DOCK3: variants seen among roughly 807,000 people sequenced by gnomAD.
DOCK3 encodes dedicator of cytokinesis 3, also known as dedicator of cytokinesis protein 3.
Under a neutral mutation model 265.6 loss-of-function variants are expected in DOCK3, and 60 were observed. That is an observed-to-expected ratio of 0.23 (90% confidence interval 0.18 to 0.28). DOCK3 has a LOEUF of 0.28. Ranked by LOEUF, DOCK3 falls within the 10% of genes least tolerant of loss-of-function variation. The pLI is 1.00. For synonymous variants in DOCK3, 881 were observed against 938.0 expected (o/e 0.94, Z 1.11); for missense variants, 1,981 against 2,594.3 (o/e 0.76, Z 5.14).
At chr3:51,173,231 C>T (rs554990759) in intron 12 of DOCK3, among the ~76,000 whole-genome samples, 1 of 152,240 alleles carries the variant, frequency 6.6e-6, no homozygotes, top group South Asian at 2.1e-4. Flanking sequence ...AGTGATCCAC[C>T]CATCTCAGCC....
At chr3:51,252,000 A>G (rs1420677381) in intron 22 of DOCK3, among the ~76,000 whole-genome samples, 2 of 152,190 alleles carry the variant, frequency 1.3e-5, no homozygotes, top group Non-Finnish European at 2.9e-5. Flanking sequence ...TTTAGGTCTA[A>G]CATTTAAGTC....
intron 22 of DOCK3, among the ~76,000 whole-genome samples, chr3:51,248,161 C>T (rs2078927858): frequency 6.6e-6 from 1 of 152,112 alleles, no homozygotes; most frequent in African/African-American, 2.4e-5. Context: ...AGTGGGGAAA[C>T]ACATACAATA....
chr3:50,895,362 A>G (rs2048846740), intron 4 of DOCK3, among the ~76,000 whole-genome samples: 1 of 151,140 alleles, frequency 6.6e-6, no homozygotes, highest in Admixed American at 6.6e-5. Flanking sequence ...CTAGGTATTA[A>G]GCCCAGCATT....
At chr3:50,928,127 T>TGA (rs1413367155) in intron 4 of DOCK3, among the ~76,000 whole-genome samples, 1 of 60,116 alleles carries the variant, frequency 1.7e-5, no homozygotes, top group Non-Finnish European at 2.8e-5. Flanking sequence ...TTTATTGTGA[T>TGA]GATATATATA....
intron 5 of DOCK3, among the ~76,000 whole-genome samples, chr3:51,025,621 G>T (rs2079781530): frequency 6.6e-6 from 1 of 152,158 alleles, no homozygotes; most frequent in Admixed American, 6.5e-5. Flanking sequence ...TTCTGTTCAT[G>T]GGGTGTTTGT....
At position 51,359,577 on chromosome 3, in the gene DOCK3, C is replaced by G. The variant is rs1339151357; in HGVS notation, c.4885-934C>G. ...ACTGGTCTCTGCTGTGTGCAAACTT[C>G]CCCATCACAGCAGGTGACCCAAGCA... On this transcript the variant is annotated intron_variant, in intron 46 of 52. Transcript: ENST00000266037. This position sits in a 1 kb window ranked among gnomAD's most constrained non-coding sequence, Gnocchi z 4.8. Among the ~76,000 whole-genome samples, 1 of 152,316 alleles carries G rather than the reference C, an allele frequency of 6.6e-6. No individual in the cohort carries two copies. The highest frequency in any genetic ancestry group is 1.9e-4 in the East Asian group (1 of 5,184).
chr3:50,945,545 A>C (rs962918663), intron 5 of DOCK3, among the ~76,000 whole-genome samples: 1 of 152,184 alleles, frequency 6.6e-6, no homozygotes, highest in Non-Finnish European at 1.5e-5. Context: ...TATGAGAAAC[A>C]AGACACAGTT....
intron 3 of DOCK3, among the ~76,000 whole-genome samples, chr3:50,864,647 G>A (rs993098728): frequency 2.0e-5 from 3 of 151,740 alleles, no homozygotes; most frequent in Non-Finnish European, 4.4e-5. Flanking sequence ...GATCTAGTTT[G>A]GTTCTTCTGC....
chr3:51,381,543 G>A lies in DOCK3; in HGVS notation c.6077G>A (p.Gly2026Asp). 4 of 1,536,120 alleles carry A rather than the reference G, an allele frequency of 2.6e-6. No individual in the cohort carries two copies. Among genetic ancestry groups the A allele is most frequent in the South Asian group, 1.3e-5 (1 of 79,538 alleles). The change falls in exon 53 of 53, where the codon GGC becomes GAC. Residue 2026 changes from glycine (G) to aspartate (D), a missense_variant. This residue lies in a region of DOCK3 where 149 missense variants were observed against 144.7 expected (regional missense o/e 1.03). Transcript: ENST00000266037. The surrounding 1 kb of genome is among the most constrained non-coding windows in gnomAD (Gnocchi z 5.6). Reference protein sequence around the residue: ...EEQARMAWEHGRGEQ With the variant: ...EEQARMAWEHDRGEQ ...CAGGCCCGCATGGCCTGGGAGCACG[G>A]CCGAGGGGAGCAGTGAGGGGCAACG... is the stretch of plus-strand genomic sequence containing the variant.
At chr3:50,792,016 A>G (rs2108610391) in intron 2 of DOCK3, among the ~76,000 whole-genome samples, 1 of 152,186 alleles carries the variant, frequency 6.6e-6, no homozygotes, top group Admixed American at 6.5e-5. Flanking sequence ...GTTTGATAGG[A>G]ATAGCATTGA....
chr3:50,779,663 C>T lies in DOCK3; in HGVS notation c.121+905C>T, dbSNP rs187969144. 2.5e-3 allele frequency among the ~76,000 whole-genome samples: 382 copies of T among 152,294 alleles called. 5 individuals are homozygous for T. The highest frequency in any genetic ancestry group is 8.5e-3 in the African/African-American group (355 of 41,554). On this transcript the variant is annotated intron_variant, in intron 2 of 52. Transcript: ENST00000266037. Reference sequence around the variant, plus strand: ...CCTCCCAAAGTGCTGGGATTACAGGCGTGAGCCACTGCGCCTGGCCTAAAT... The same window carrying T: ...CCTCCCAAAGTGCTGGGATTACAGGTGTGAGCCACTGCGCCTGGCCTAAAT...
intron 5 of DOCK3, among the ~76,000 whole-genome samples, chr3:51,052,607 G>C (rs183960143): frequency 1.3e-4 from 20 of 152,246 alleles, no homozygotes; most frequent in Non-Finnish European, 7.4e-5. Flanking sequence ...AGCTCTTTTC[G>C]TGTGAAAGGA....
chr3:50,838,803 A>C (rs529920828), intron 2 of DOCK3, among the ~76,000 whole-genome samples: 2 of 152,210 alleles, frequency 1.3e-5, no homozygotes, highest in Admixed American at 1.3e-4. Context: ...ATATGTAAGA[A>C]ACAAAAATAA....
intron 25 of DOCK3, among the ~76,000 whole-genome samples, chr3:51,275,482 G>GT (rs2080768162): frequency 6.6e-6 from 1 of 152,136 alleles, no homozygotes; most frequent in African/African-American, 2.4e-5. Context: ...GTGTCATGCT[G>GT]TTTCCATCAA....
intron 27 of DOCK3, among the ~76,000 whole-genome samples, chr3:51,284,357 A>C (rs916799460): frequency 6.6e-6 from 1 of 152,170 alleles, no homozygotes; most frequent in Non-Finnish European, 1.5e-5. Flanking sequence ...TCTCCCTGGA[A>C]GGGGTTTATG....
At chr3:50,828,200 A>G (rs1177991557) in intron 2 of DOCK3, among the ~76,000 whole-genome samples, 1 of 152,068 alleles carries the variant, frequency 6.6e-6, no homozygotes, top group Non-Finnish European at 1.5e-5. Context: ...AAGTGCTGGG[A>G]TTACAGGTGT....
At chr3:50,900,312 T>A (rs2049119686) in intron 4 of DOCK3, among the ~76,000 whole-genome samples, 1 of 152,186 alleles carries the variant, frequency 6.6e-6, no homozygotes, top group Non-Finnish European at 1.5e-5. Context: ...TTGTGCTGTG[T>A]TTTTTAGTTC....
chr3:51,277,886 C>T, intron 26 of DOCK3, 132 bp downstream of exon 26: 1 of 1,510,838 alleles, frequency 6.6e-7, no homozygotes, highest in Non-Finnish European at 8.9e-7. Context: ...CAGCATGCTG[C>T]CCTCTTCCCT....
At chr3:51,022,935 G>A (rs1003523615) in intron 5 of DOCK3, among the ~76,000 whole-genome samples, 6 of 152,120 alleles carry the variant, frequency 3.9e-5, no homozygotes, top group Admixed American at 6.6e-5. Flanking sequence ...TTATTTAATA[G>A]TGTACTTTCT....
Sources: gnomAD v4.1 joint callset for allele counts (sites outside exome capture counted in the v4.1 genomes callset) on GRCh38, gnomAD v4.1.1 for gene constraint, gnomAD v4.1.1 regional missense constraint, Gnocchi (gnomAD v3.1) non-coding constraint, MANE v1.5 for transcripts, NCBI Gene and HGNC (gene_info 2026-07-23, HGNC 2026-07-21) for gene names.